The following GRM7 variants were observed in gnomAD, a reference collection of about 807,000 sequenced individuals.
The protein encoded by GRM7 is glutamate metabotropic receptor 7, also known as metabotropic glutamate receptor 7.
Under a neutral mutation model 84.5 loss-of-function variants are expected in GRM7, and 35 were observed. The observed-to-expected ratio is 0.41, with a 90% CI of 0.32 to 0.55. The LOEUF is 0.55. Among genes scored for constraint, GRM7 ranks in the 20% least tolerant of loss-of-function variants. The pLI is 0.19. For missense variants in GRM7, 1,003 were observed against 1,194.6 expected, an observed-to-expected ratio of 0.84 and a Z score of 2.36; for synonymous variants, 487 against 455.1, an observed-to-expected ratio of 1.07 and a Z score of -0.89.
intron 2 of GRM7, among the ~76,000 whole-genome samples, chr3:7,229,939 A>T (rs923682093): frequency 2.8e-5 from 4 of 140,752 alleles, no homozygotes; most frequent in Non-Finnish European, 6.1e-5. Context: ...TCCCGGGTTC[A>T]CGCCATTCTC....
At chr3:7,269,202 G>T (rs1698761799) in intron 2 of GRM7, among the ~76,000 whole-genome samples, 1 of 152,138 alleles carries the variant, frequency 6.6e-6, no homozygotes, top group Non-Finnish European at 1.5e-5. Flanking sequence ...TCCATAATTT[G>T]TTCTGCCCCT....
At chr3:6,866,630 T>C (rs775105460) in intron 1 of GRM7, among the ~76,000 whole-genome samples, 4 of 152,172 alleles carry the variant, frequency 2.6e-5, no homozygotes, top group Admixed American at 6.5e-5. Context: ...TACTGAATGA[T>C]CATAAGACAC....
At chr3:7,415,297 A>G (rs899772022) in intron 5 of GRM7, 134 bp downstream of exon 5, 10 of 732,208 alleles carry the variant, frequency 1.4e-5, no homozygotes, top group Non-Finnish European at 1.8e-5. Flanking sequence ...TTGTTCAGAA[A>G]ATGGAACAGG....
intron 2 of GRM7, among the ~76,000 whole-genome samples, chr3:7,216,652 C>T (rs1696622969): frequency 6.6e-6 from 1 of 152,152 alleles, no homozygotes; most frequent in Non-Finnish European, 1.5e-5. Flanking sequence ...CTAAAAATTC[C>T]CCAAATAAAC....
chr3:7,405,087 G>T (rs1005342527), intron 4 of GRM7, among the ~76,000 whole-genome samples: 2 of 152,090 alleles, frequency 1.3e-5, no homozygotes, highest in African/African-American at 4.8e-5. Context: ...TTAAACCAAA[G>T]CTCTGGGCAT....
At chr3:7,264,367 C>G (rs1698554234) in intron 2 of GRM7, among the ~76,000 whole-genome samples, 1 of 152,124 alleles carries the variant, frequency 6.6e-6, no homozygotes. Flanking sequence ...TGGAGTTCTG[C>G]CCCTACCACT....
intron 4 of GRM7, among the ~76,000 whole-genome samples, chr3:7,336,606 T>A (rs1701430980): frequency 6.6e-6 from 1 of 151,930 alleles, no homozygotes; most frequent in African/African-American, 2.4e-5. Flanking sequence ...TCAAACTGTC[T>A]CTGTTCACTG....
chr3:7,094,212 C>T (rs757750626), intron 1 of GRM7, among the ~76,000 whole-genome samples: 30 of 151,614 alleles, frequency 2.0e-4, no homozygotes, highest in African/African-American at 5.8e-4. Flanking sequence ...TGAAGCTAAG[C>T]GAAGCAAGCT....
At chr3:7,600,787 G>C (rs1696271302) in intron 8 of GRM7, among the ~76,000 whole-genome samples, 1 of 152,124 alleles carries the variant, frequency 6.6e-6, no homozygotes, top group South Asian at 2.1e-4. Context: ...TTGATGGATA[G>C]GCACATTCAT....
intron 1 of GRM7, among the ~76,000 whole-genome samples, chr3:6,985,499 A>T (rs1415338081): frequency 6.6e-6 from 1 of 152,192 alleles, no homozygotes; most frequent in Non-Finnish European, 1.5e-5. Context: ...ATGTGTGGTT[A>T]TCAAGCCACT....
intron 7 of GRM7, among the ~76,000 whole-genome samples, chr3:7,499,293 A>T (rs991997940): frequency 6.6e-6 from 1 of 152,126 alleles, no homozygotes; most frequent in East Asian, 1.9e-4. Context: ...GCCTTGGGAG[A>T]TACATGGAGT....
At chr3:7,601,231 C>G (rs1696297090) in intron 8 of GRM7, among the ~76,000 whole-genome samples, 1 of 152,138 alleles carries the variant, frequency 6.6e-6, no homozygotes, top group Non-Finnish European at 1.5e-5. Flanking sequence ...CTGTCATTCA[C>G]CTTCTGACTT....
At chr3:7,659,508 T>A (rs147439551) in intron 8 of GRM7, among the ~76,000 whole-genome samples, 290 of 152,218 alleles carry the variant, frequency 1.9e-3, no homozygotes, top group African/African-American at 6.3e-3. Context: ...CATAGTAGAA[T>A]CTCAATAGAT....
intron 1 of GRM7, among the ~76,000 whole-genome samples, chr3:6,892,266 A>T (rs1408447520): frequency 6.6e-6 from 1 of 152,146 alleles, no homozygotes; most frequent in African/African-American, 2.4e-5. Context: ...GACCTCAGAG[A>T]AGCCCTTCCA....
chr3:7,278,053 C>A (rs916437975), intron 2 of GRM7, among the ~76,000 whole-genome samples: 3 of 151,854 alleles, frequency 2.0e-5, no homozygotes, highest in African/African-American at 7.3e-5. Flanking sequence ...TATATTAATT[C>A]TTATTTTAAG....
At chr3:7,075,752 C>T (rs1326304727) in intron 1 of GRM7, among the ~76,000 whole-genome samples, 1 of 152,072 alleles carries the variant, frequency 6.6e-6, no homozygotes, top group Non-Finnish European at 1.5e-5. Context: ...TTTCGAACTC[C>T]TGACCTCAGG....
intron 1 of GRM7, among the ~76,000 whole-genome samples, chr3:7,077,393 A>G (rs778543748): frequency 6.6e-6 from 1 of 152,194 alleles, no homozygotes; most frequent in Non-Finnish European, 1.5e-5. Flanking sequence ...CTATGCAGCC[A>G]TAAAAAAGGA....
chr3:7,222,914 T>G (rs1161063787), intron 2 of GRM7, among the ~76,000 whole-genome samples: 2 of 152,190 alleles, frequency 1.3e-5, no homozygotes, highest in Admixed American at 6.5e-5. Context: ...TGTAAGAATA[T>G]TTATCTCTTG....
At chr3:6,968,105 G>T (rs949441101) in intron 1 of GRM7, among the ~76,000 whole-genome samples, 20 of 152,136 alleles carry the variant, frequency 1.3e-4, no homozygotes, top group Non-Finnish European at 2.4e-4. Context: ...ATATCTGGAG[G>T]CCAGAAGTTC....
Sources: allele counts gnomAD v4.1 joint callset (sites outside exome capture counted in the v4.1 genomes callset), GRCh38; gene constraint gnomAD v4.1.1; transcripts MANE v1.5; gene names NCBI Gene and HGNC (gene_info 2026-07-23, HGNC 2026-07-21).